Variants in CSMD1 observed in about 807,000 individuals in gnomAD.
CSMD1 encodes the protein CUB and sushi domain-containing protein 1.
CSMD1 carries 213 observed loss-of-function variants against 417.5 expected under a neutral mutation model. That is an observed-to-expected ratio of 0.51 (90% CI 0.46 to 0.57). The LOEUF (loss-of-function observed/expected upper bound fraction) is 0.57. CSMD1 is among the 20% of genes least tolerant of loss of function. The pLI is 0.00. For missense variants in CSMD1, 6,923 were observed against 4,529.7 expected, an observed-to-expected ratio of 1.53 and a Z score of -15.17; for synonymous variants, 2,862 against 1,736.8, an observed-to-expected ratio of 1.65 and a Z score of -16.11.
chr8:4,078,301 T>C (rs1483417360), intron 3 of CSMD1, among the ~76,000 whole-genome samples: 1 of 151,544 alleles, frequency 6.6e-6, no homozygotes. Context: ...TAATGATGAG[T>C]TTGATATCCA....
At chr8:4,572,887 C>G (rs928252681) in intron 2 of CSMD1, among the ~76,000 whole-genome samples, 3 of 152,048 alleles carry the variant, frequency 2.0e-5, no homozygotes, top group Non-Finnish European at 4.4e-5. Context: ...CGCTGATATC[C>G]TTTCTTCCGC....
intron 5 of CSMD1, among the ~76,000 whole-genome samples, chr8:3,831,034 T>G (rs1802347662): frequency 6.6e-6 from 1 of 152,170 alleles, no homozygotes; most frequent in Non-Finnish European, 1.5e-5. Flanking sequence ...GGCAGCTTAA[T>G]GCGCGAACAG....
chr8:2,990,194 A>G (rs117047705), intron 54 of CSMD1, among the ~76,000 whole-genome samples: 2,473 of 152,318 alleles, frequency 0.016, 25 homozygotes, highest in Non-Finnish European at 0.026. Context: ...TCTTTCCTTA[A>G]GTCCTTGCAG....
intron 3 of CSMD1, among the ~76,000 whole-genome samples, chr8:4,123,911 C>A (rs1001270798): frequency 4.6e-5 from 7 of 152,092 alleles, no homozygotes; most frequent in African/African-American, 1.7e-4. Context: ...ATTTCACAAT[C>A]TCTTACAAAG....
chr8:3,930,495 C>G (rs1378077766), intron 5 of CSMD1, among the ~76,000 whole-genome samples: 1 of 150,570 alleles, frequency 6.6e-6, no homozygotes, highest in Non-Finnish European at 1.5e-5. Flanking sequence ...GTTACTTCCT[C>G]CTTCCTTTGT....
Position 3,307,714 on chromosome 8 carries a change from C to A in CSMD1, c.3931G>T (p.Asp1311Tyr). Residue 1311 changes from aspartate to tyrosine, a missense_variant, in exon 25 of 70, where the codon GAC (aspartate) becomes TAC (tyrosine). Transcript: ENST00000635120. ...AAGTACCTAATGGTCTTTCCTGGGT[C>A]TGCCTCTATAATCCAGGTGCAGTGG... ...NLHCTWIIEA[D>Y]PGKTISLHFI... is the part of the protein sequence containing the mutation. The A allele has an allele frequency of 2.5e-6, 4 of 1,613,584 alleles. No individual in the cohort carries two copies. The highest frequency in any genetic ancestry group is 1.1e-5 in the South Asian group (1 of 91,042).
intron 3 of CSMD1, among the ~76,000 whole-genome samples, chr8:4,286,853 G>T (rs1345793361): frequency 6.6e-6 from 1 of 152,188 alleles, no homozygotes; most frequent in African/African-American, 2.4e-5. Context: ...ATTAGGAGAT[G>T]TGCACTAATT....
chr8:4,418,809 T>C (rs1585045007), intron 3 of CSMD1, among the ~76,000 whole-genome samples: 1 of 152,176 alleles, frequency 6.6e-6, no homozygotes, highest in Non-Finnish European at 1.5e-5. Flanking sequence ...GTAACGTACT[T>C]AAAGGTGATA....
At chr8:4,331,075 A>G (rs1258975031) in intron 3 of CSMD1, among the ~76,000 whole-genome samples, 2 of 152,170 alleles carry the variant, frequency 1.3e-5, no homozygotes, top group African/African-American at 4.8e-5. Flanking sequence ...TTTGTTTCTT[A>G]TTCTCCAATA....
chr8:4,650,740 A>C (rs1216303667), intron 1 of CSMD1, among the ~76,000 whole-genome samples: 1 of 152,042 alleles, frequency 6.6e-6, no homozygotes, highest in Admixed American at 6.6e-5. Flanking sequence ...GAGAGCAGAA[A>C]ATATGTATTT....
chr8:3,904,630 G>A (rs183945170), intron 5 of CSMD1, among the ~76,000 whole-genome samples: 100 of 140,492 alleles, frequency 7.1e-4, no homozygotes, highest in African/African-American at 2.6e-3. Context: ...TTTCTTTCTC[G>A]TTTTCTTTCT....
Position 4,031,960 on chromosome 8 carries a change from G to A in CSMD1, c.555C>T (p.Cys185=), listed in dbSNP as rs771481320. ...YILEGHAILT[C]IVSPGNGASW... The stretch of plus-strand genomic sequence containing the variant: ...ATGCACCATTTCCTGGGCTGACGAT[G>A]CAGGTCAGGATGGCGTGGCCTTCCA... The change falls in exon 4 of 70, where the codon TGC becomes TGT. Residue 185 remains cysteine, a synonymous_variant. Coordinates refer to ENST00000635120, the MANE Select transcript of CSMD1 (RefSeq NM_033225.6). 54 of 1,613,872 alleles carry A rather than the reference G, an allele frequency of 3.3e-5. No homozygotes were observed. Among genetic ancestry groups the A allele is most frequent in the Admixed American group, 8.3e-5 (5 of 60,006 alleles).
intron 54 of CSMD1, among the ~76,000 whole-genome samples, chr8:2,992,192 CACACATACATACACACAT>C (rs1199750224): frequency 0.012 from 1,107 of 91,850 alleles, 17 homozygotes; most frequent in African/African-American, 0.093. Flanking sequence ...CACACACATG[CACACATACATACACACAT>C]GCACACACAC....
chr8:4,970,815 C>T (rs905166806), intron 1 of CSMD1, among the ~76,000 whole-genome samples: 1 of 151,864 alleles, frequency 6.6e-6, no homozygotes, highest in African/African-American at 2.4e-5. Flanking sequence ...CAGGTAATAC[C>T]CTAGCTCTAG....
At position 4,788,510 on chromosome 8, in the gene CSMD1, A is replaced by C. The variant is rs1797527896; in HGVS notation, c.86-150952T>G. 52 of 1,395,902 alleles carry C rather than the reference A, an allele frequency of 3.7e-5. No individual in the cohort carries two copies. The South Asian group carries it at 4.7e-4, about 13-fold the overall frequency. 86.5% of individuals were successfully genotyped at this position (1,395,902 alleles called of 1,614,324 possible). A position where few individuals can be genotyped will look rare whatever the true frequency, so the allele number is the denominator to read the frequency against. ...GGTAGACAACCATTTAGTATGGAGC[A>C]AACTGTGAGCAAGCATTTTGAACAC... On this transcript the variant is annotated intron_variant, in intron 1 of 69. Transcript: ENST00000635120.
At chr8:3,200,638 T>G (rs1478013566) in intron 32 of CSMD1, among the ~76,000 whole-genome samples, 1 of 151,786 alleles carries the variant, frequency 6.6e-6, no homozygotes, top group Non-Finnish European at 1.5e-5. Flanking sequence ...AGAGTCTGTG[T>G]CAAGCAGTGG....
At chr8:3,768,753 A>T (rs1798418394) in intron 5 of CSMD1, among the ~76,000 whole-genome samples, 1 of 152,220 alleles carries the variant, frequency 6.6e-6, no homozygotes, top group African/African-American at 2.4e-5. Flanking sequence ...TGTATCCCAC[A>T]TTATTGACAC....
At chr8:3,686,758 C>A (rs1563272711) in intron 7 of CSMD1, among the ~76,000 whole-genome samples, 2 of 152,220 alleles carry the variant, frequency 1.3e-5, no homozygotes, top group Admixed American at 6.5e-5. Context: ...TTTGTCCAAG[C>A]CAGTCTATCA....
intron 3 of CSMD1, among the ~76,000 whole-genome samples, chr8:4,360,603 C>T (rs1456902365): frequency 6.6e-6 from 1 of 152,030 alleles, no homozygotes; most frequent in Non-Finnish European, 1.5e-5. Context: ...CATTCTCCTG[C>T]CTCAGCCTCC....
Sources: allele counts gnomAD v4.1 joint callset (sites outside exome capture counted in the v4.1 genomes callset), GRCh38; gene constraint gnomAD v4.1.1; transcripts MANE v1.5; gene names NCBI Gene and HGNC (gene_info 2026-07-23, HGNC 2026-07-21).